The following FLT1 variants were observed in gnomAD, a reference collection of about 807,000 sequenced individuals.
FLT1 encodes the protein fms related receptor tyrosine kinase 1, also known as vascular endothelial growth factor receptor 1.
A neutral mutation model predicts 156.3 loss-of-function variants in FLT1; 49 were observed. The ratio of observed to expected loss-of-function variants is 0.31; its 90% confidence interval spans 0.25 to 0.40. The LOEUF is 0.40. Among genes scored for constraint, FLT1 ranks in the 10% least tolerant of loss-of-function variants. FLT1 has a pLI of 1.00. For synonymous variants in FLT1, 594 were observed against 583.8 expected (o/e 1.02, Z -0.25); for missense variants, 1,322 against 1,637.2 (o/e 0.81, Z 3.32).
At chr13:28,460,665 C>A (rs1400748658) in intron 3 of FLT1, among the ~76,000 whole-genome samples, 1 of 138,430 alleles carries the variant, frequency 7.2e-6, no homozygotes, top group Admixed American at 7.2e-5. Context: ...CCCCCCACCC[C>A]ACCCCCCCAA....
intron 16 of FLT1, among the ~76,000 whole-genome samples, chr13:28,344,021 G>A (rs1247517359): frequency 1.4e-5 from 2 of 143,056 alleles, no homozygotes; most frequent in Admixed American, 8.3e-5. Context: ...CCCACCACCC[G>A]GGTCCATTCT....
intron 3 of FLT1, among the ~76,000 whole-genome samples, chr13:28,451,412 G>A (rs1193822681): frequency 6.6e-6 from 1 of 152,222 alleles, no homozygotes; most frequent in Non-Finnish European, 1.5e-5. Context: ...GACAGAACGA[G>A]ACTTCGTCTC....
At chr13:28,372,066 ATATATATATATTT>A (rs1376252666) in intron 14 of FLT1, among the ~76,000 whole-genome samples, 217 of 29,638 alleles carry the variant, frequency 7.3e-3, no homozygotes, top group South Asian at 0.013. Flanking sequence ...ATATATATAT[ATATATATATATTT>A]TTTTTTTTTT....
At chr13:28,352,045 A>AT (rs1279368951) in intron 15 of FLT1, among the ~76,000 whole-genome samples, 2 of 152,232 alleles carry the variant, frequency 1.3e-5, no homozygotes, top group East Asian at 3.8e-4. Flanking sequence ...GGCAAAAGTT[A>AT]TGCAGCCCAT....
At chr13:28,448,980 A>G (rs554352387) in intron 3 of FLT1, among the ~76,000 whole-genome samples, 1 of 152,280 alleles carries the variant, frequency 6.6e-6, no homozygotes, top group South Asian at 2.1e-4. Flanking sequence ...AACCATCATG[A>G]TTTAAATATG....
At chr13:28,382,247 G>A (rs1192739154) in intron 14 of FLT1, among the ~76,000 whole-genome samples, 1 of 152,218 alleles carries the variant, frequency 6.6e-6, no homozygotes, top group Non-Finnish European at 1.5e-5. Flanking sequence ...TGGGTCTTAA[G>A]GGATGCGACA....
chr13:28,321,264 A>G (rs976297968), intron 23 of FLT1, among the ~76,000 whole-genome samples, 199 bp downstream of exon 23: 1 of 152,208 alleles, frequency 6.6e-6, no homozygotes, highest in African/African-American at 2.4e-5. Context: ...ATTAGGGAAG[A>G]GCAGAAGCAG....
chr13:28,310,031 AG>A (rs1367155171), intron 27 of FLT1, among the ~76,000 whole-genome samples: 4 of 151,638 alleles, frequency 2.6e-5, no homozygotes, highest in Non-Finnish European at 5.9e-5. Flanking sequence ...CTGGGACTAC[AG>A]GTACGTGCCA....
At chr13:28,419,054 A>G (rs889253512) in intron 10 of FLT1, among the ~76,000 whole-genome samples, 1 of 152,224 alleles carries the variant, frequency 6.6e-6, no homozygotes, top group African/African-American at 2.4e-5. Flanking sequence ...GATTAAGTCT[A>G]TCACAGCTAT....
At chr13:28,385,139 AG>A in intron 13 of FLT1, 108 bp from the exon 14 acceptor site, 1 of 1,153,428 alleles carries the variant, frequency 8.7e-7, no homozygotes, top group Non-Finnish European at 1.3e-6. Flanking sequence ...CTCAACTATT[AG>A]GTTTCATTTT....
At chr13:28,466,276 T>C (rs956241923) in intron 3 of FLT1, among the ~76,000 whole-genome samples, 6 of 152,326 alleles carry the variant, frequency 3.9e-5, no homozygotes, top group Middle Eastern at 3.4e-3. Flanking sequence ...TCATAAAAAT[T>C]ATGAATGAAT....
chr13:28,440,276 G>C lies in FLT1; in HGVS notation c.389-1931C>G, dbSNP rs149197794. ...TCTGTCTCATGTGTACTGAATGAAT[G>C]AGTGAACGGGTATCCAACCCCGTCC... On this transcript the variant is annotated intron_variant, in intron 3 of 29. Coordinates refer to ENST00000282397, the MANE Select transcript of FLT1 (RefSeq NM_002019.4). 1.2e-3 allele frequency among the ~76,000 whole-genome samples: 183 copies of C among 152,338 alleles called. 1 individual carries two copies. Among genetic ancestry groups the C allele is most frequent in the Non-Finnish European group, 2.4e-3 (160 of 68,034 alleles).
chr13:28,343,863 C>CG (rs934718491), intron 16 of FLT1, among the ~76,000 whole-genome samples: 8 of 151,490 alleles, frequency 5.3e-5, no homozygotes, highest in African/African-American at 1.9e-4. Context: ...ACGATGGTCT[C>CG]GATCTCCTGA....
chr13:28,443,124 C>T (rs1337779648), intron 3 of FLT1, among the ~76,000 whole-genome samples: 1 of 152,102 alleles, frequency 6.6e-6, no homozygotes, highest in Non-Finnish European at 1.5e-5. Flanking sequence ...TCACACTGCC[C>T]TCACCTCTCT....
At chr13:28,411,461 G>A (rs917010873) in intron 10 of FLT1, among the ~76,000 whole-genome samples, 2 of 148,834 alleles carry the variant, frequency 1.3e-5, no homozygotes, top group Non-Finnish European at 3.0e-5. Context: ...CAGGAGAATC[G>A]CTTGAACCTG....
intron 18 of FLT1, among the ~76,000 whole-genome samples, chr13:28,330,286 T>G (rs1871872602): frequency 6.6e-6 from 1 of 152,236 alleles, no homozygotes; most frequent in Non-Finnish European, 1.5e-5. Flanking sequence ...GACTTCAACT[T>G]CAGTCTCAGA....
At chr13:28,468,564 G>A (rs749495092) in intron 1 of FLT1, among the ~76,000 whole-genome samples, 1 of 152,178 alleles carries the variant, frequency 6.6e-6, no homozygotes, top group Non-Finnish European at 1.5e-5. Flanking sequence ...CTCCAATTCT[G>A]ATGGTGAATT....
chr13:28,342,259 G>T (rs1022257880), intron 16 of FLT1, among the ~76,000 whole-genome samples: 1 of 152,136 alleles, frequency 6.6e-6, no homozygotes, highest in African/African-American at 2.4e-5. Context: ...GAGTAGGAAG[G>T]ACTAGGGCGG....
rs551610603 is a variant in FLT1 at position 28,312,380 on chromosome 13, C to A, written c.3387-282G>T. ...TTCTTTGTTGTGCCTGTGGCCTCTG[C>A]AGATGGAAGGTCTGAGTTCTGTGAA... is the stretch of plus-strand genomic sequence containing the variant. On this transcript the variant is annotated intron_variant, in intron 25 of 29. Transcript: ENST00000282397. Among the ~76,000 whole-genome samples the A allele has an allele frequency of 2.0e-5, 3 of 152,224 alleles. No individual in the cohort carries two copies. In the East Asian group the frequency reaches 5.8e-4, roughly 29 times the overall value.
Sources: allele counts gnomAD v4.1 joint callset (sites outside exome capture counted in the v4.1 genomes callset), GRCh38; gene constraint gnomAD v4.1.1; transcripts MANE v1.5; gene names NCBI Gene and HGNC (gene_info 2026-07-23, HGNC 2026-07-21).